Variants in SPOCK3 observed in about 807,000 individuals in gnomAD.
The protein encoded by SPOCK3 is SPARC (osteonectin), cwcv and kazal like domains proteoglycan 3, also known as testican-3.
In SPOCK3, 30 loss-of-function variants were observed where a neutral mutation model predicts 56.6. The observed-to-expected ratio is 0.53, with a 90% confidence interval of 0.40 to 0.72. The LOEUF (loss-of-function observed/expected upper bound fraction) is 0.72, where lower values mean the gene tolerates loss of function less well. Among genes scored for constraint, SPOCK3 ranks in the 30% least tolerant of loss-of-function variants. The pLI is 0.00. For missense variants in SPOCK3, 527 were observed against 530.0 expected (o/e 0.99, Z 0.06); for synonymous variants, 196 against 183.3 (o/e 1.07, Z -0.56).
At chr4:167,205,386 T>TA (rs1243405145) in intron 2 of SPOCK3, among the ~76,000 whole-genome samples, 3 of 41,622 alleles carry the variant, frequency 7.2e-5, no homozygotes, top group South Asian at 5.5e-4. Flanking sequence ...ATATAATATA[T>TA]ATATTTTATA....
At chr4:166,857,164 T>C (rs1730775393) in intron 6 of SPOCK3, among the ~76,000 whole-genome samples, 1 of 152,220 alleles carries the variant, frequency 6.6e-6, no homozygotes, top group South Asian at 2.1e-4. Context: ...TTTAAAGTTT[T>C]AAGAATTTTA....
rs1293587859 is a variant in SPOCK3 at position 166,992,865 on chromosome 4, A to T, written c.350+7484T>A. ...TTTCCTTCTATAGGGGACATTAATG[A>T]AGCCTTAATTGGATGGCAGAGTAAC... On this transcript the variant is annotated intron_variant, in intron 4 of 10. Transcript: ENST00000357545. 7.2e-5 allele frequency among the ~76,000 whole-genome samples: 11 copies of T among 152,210 alleles called. No homozygotes were observed. The South Asian group carries it at 2.1e-3, about 29-fold the overall frequency.
intron 2 of SPOCK3, among the ~76,000 whole-genome samples, chr4:167,161,850 T>G (rs1765340453): frequency 1.7e-5 from 2 of 118,606 alleles, no homozygotes; most frequent in African/African-American, 6.6e-5. Flanking sequence ...TGAGAACACA[T>G]GGACACAGGA....
At chr4:166,749,658 A>T (rs1251059616) in intron 8 of SPOCK3, among the ~76,000 whole-genome samples, 2 of 151,896 alleles carry the variant, frequency 1.3e-5, no homozygotes, top group African/African-American at 4.8e-5. Context: ...AAAAATAAAA[A>T]TAAAATAATA....
chr4:167,161,301 A>C (rs1242566175), intron 2 of SPOCK3, among the ~76,000 whole-genome samples: 1 of 152,224 alleles, frequency 6.6e-6, no homozygotes. Context: ...GCTCATCATC[A>C]CTGGCCATCA....
chr4:166,794,635 C>A (rs1480460189), intron 6 of SPOCK3, among the ~76,000 whole-genome samples: 1 of 141,696 alleles, frequency 7.1e-6, no homozygotes, highest in East Asian at 2.0e-4. Flanking sequence ...TTTTTTCTTT[C>A]TTTCTTTCTT....
chr4:166,882,206 G>T (rs941157075), intron 6 of SPOCK3, among the ~76,000 whole-genome samples: 10 of 152,140 alleles, frequency 6.6e-5, no homozygotes, highest in Admixed American at 5.2e-4. Flanking sequence ...TGTAGAGATA[G>T]TCTGAAAAAC....
chr4:166,986,383 C>A (rs1400333557), intron 4 of SPOCK3, among the ~76,000 whole-genome samples: 2 of 152,100 alleles, frequency 1.3e-5, no homozygotes, highest in African/African-American at 2.4e-5. Flanking sequence ...AAATTCCATA[C>A]AATTGTGATG....
chr4:167,175,356 G>A (rs558959765), intron 2 of SPOCK3, among the ~76,000 whole-genome samples: 23 of 152,018 alleles, frequency 1.5e-4, no homozygotes, highest in African/African-American at 5.1e-4. Flanking sequence ...TCAAAGTTAC[G>A]ACTAAAATAA....
chr4:166,954,227 G>T (rs1305374467), intron 4 of SPOCK3, among the ~76,000 whole-genome samples: 1 of 152,060 alleles, frequency 6.6e-6, no homozygotes, highest in Admixed American at 6.6e-5. Flanking sequence ...TATATAGTTT[G>T]CAAATATATT....
chr4:167,233,081 C>T lies in SPOCK3; in HGVS notation c.189+904G>A, dbSNP rs75363038. Among the ~76,000 whole-genome samples, 7 of 152,220 alleles carry T rather than the reference C, an allele frequency of 4.6e-5. No homozygotes were observed. The South Asian group carries it at 8.3e-4, about 18-fold the overall frequency. ...CGCGTTTTAAAGGGTGGGCTAGGGGCGGTATTCAGCCAACAGGGCGGCCTC... is the reference window on the plus strand; with the variant it reads ...CGCGTTTTAAAGGGTGGGCTAGGGGTGGTATTCAGCCAACAGGGCGGCCTC... On this transcript the variant is annotated intron_variant, in intron 2 of 10. Transcript: ENST00000357545.
intron 2 of SPOCK3, among the ~76,000 whole-genome samples, chr4:167,071,241 T>C (rs1204051984): frequency 3.3e-5 from 5 of 151,904 alleles, no homozygotes; most frequent in African/African-American, 1.2e-4. Context: ...ATTAAGAATC[T>C]TTTGTTTGTT....
intron 2 of SPOCK3, among the ~76,000 whole-genome samples, chr4:167,159,381 A>G (rs1272165415): frequency 6.6e-6 from 1 of 151,914 alleles, no homozygotes; most frequent in Non-Finnish European, 1.5e-5. Context: ...CCCTTCTCTC[A>G]TAAAGCAGGT....
chr4:166,804,141 C>T (rs866231908), intron 6 of SPOCK3, among the ~76,000 whole-genome samples: 6 of 152,222 alleles, frequency 3.9e-5, no homozygotes, highest in African/African-American at 1.2e-4. Flanking sequence ...AGTAAGGTTT[C>T]TTAGTAAGTA....
intron 7 of SPOCK3, among the ~76,000 whole-genome samples, chr4:166,762,156 C>G (rs1338336681): frequency 1.3e-5 from 2 of 152,060 alleles, no homozygotes; most frequent in Non-Finnish European, 2.9e-5. Flanking sequence ...TTATCTCACT[C>G]AAACAAACAG....
chr4:167,050,485 A>G (rs2035149869), intron 3 of SPOCK3, among the ~76,000 whole-genome samples: 1 of 152,166 alleles, frequency 6.6e-6, no homozygotes, highest in Non-Finnish European at 1.5e-5. Context: ...GCTGTCGAGA[A>G]CAATATGGTT....
At chr4:167,169,348 G>T (rs930633543) in intron 2 of SPOCK3, among the ~76,000 whole-genome samples, 3 of 152,190 alleles carry the variant, frequency 2.0e-5, no homozygotes, top group Non-Finnish European at 4.4e-5. Context: ...AAAGCCACAG[G>T]GATGGAGCTG....
chr4:167,106,710 G>T (rs1456493212), intron 2 of SPOCK3, among the ~76,000 whole-genome samples: 1 of 140,606 alleles, frequency 7.1e-6, no homozygotes, highest in Non-Finnish European at 1.6e-5. Flanking sequence ...ACAAAAAGTT[G>T]TTTTTTTTTT....
chr4:167,101,003 TG>T (rs1197500806), intron 2 of SPOCK3, among the ~76,000 whole-genome samples: 4 of 152,140 alleles, frequency 2.6e-5, no homozygotes, highest in African/African-American at 9.7e-5. Context: ...GGTAATTCAT[TG>T]AAACTCATGG....
Sources: gnomAD v4.1 joint callset for allele counts (sites outside exome capture counted in the v4.1 genomes callset) on GRCh38, gnomAD v4.1.1 for gene constraint, MANE v1.5 for transcripts, NCBI Gene and HGNC (gene_info 2026-07-23, HGNC 2026-07-21) for gene names.